The following CLN8 variants were observed in gnomAD, a reference collection of about 807,000 sequenced individuals.
CLN8 encodes the protein CLN8 transmembrane ER and ERGIC protein, also known as protein CLN8.
Under a neutral mutation model 15.7 loss-of-function variants are expected in CLN8, and 14 were observed. The ratio of observed to expected loss-of-function variants is 0.89; its 90% CI spans 0.59 to 1.39. The LOEUF (loss-of-function observed/expected upper bound fraction) is 1.39. Ranked by LOEUF, CLN8 falls within the 40% of genes most tolerant of loss-of-function variation. The probability of loss-of-function intolerance (pLI) is 0.00; values close to 1 mark genes in which losing one functional copy is unlikely to be tolerated. For synonymous variants in CLN8, 188 were observed against 151.0 expected (o/e 1.25, Z -1.80); for missense variants, 415 against 364.0 (o/e 1.14, Z -1.14).
intron 2 of CLN8, among the ~76,000 whole-genome samples, chr8:1,775,497 A>T (rs188624156): frequency 2.8e-4 from 43 of 152,364 alleles, no homozygotes; most frequent in African/African-American, 9.6e-4. Context: ...CAAAAATTTT[A>T]GTGCCTTAGT....
At chr8:1,757,076 C>G (rs561654379) in intron 1 of CLN8, among the ~76,000 whole-genome samples, 3 of 152,282 alleles carry the variant, frequency 2.0e-5, no homozygotes, top group South Asian at 2.1e-4. Context: ...GAGAGCAGGC[C>G]TATTTGGGGC....
Position 1,783,437 on chromosome 8 carries a change from G to A in CLN8, c.*2870G>A, listed in dbSNP as rs1320667083. On this transcript the variant is annotated 3_prime_UTR_variant, in exon 3 of 3. Coordinates refer to ENST00000331222, the MANE Select transcript of CLN8 (RefSeq NM_018941.4). ...TAGAAAATGGCCCTGCGTTTAGCCA[G>A]GATGTGGCTCTCCAGCTTGGCTTCA... 6.6e-6 allele frequency: 1 copy of A among 152,276 alleles called. No homozygotes were observed. The highest frequency in any genetic ancestry group is 2.4e-5 in the African/African-American group (1 of 41,478). 9.4% of individuals were successfully genotyped at this position (152,276 alleles called of 1,614,324 possible).
intron 1 of CLN8, chr8:1,758,471 G>A (rs1475697067): frequency 6.6e-6 from 1 of 152,188 alleles, no homozygotes; most frequent in South Asian, 2.1e-4. Context: ...ATTTTAGGGG[G>A]ACAGAAGTTA....
At chr8:1,768,311 C>G (rs1801149454) in intron 1 of CLN8, among the ~76,000 whole-genome samples, 2 of 152,186 alleles carry the variant, frequency 1.3e-5, no homozygotes, top group South Asian at 4.1e-4. Flanking sequence ...AGCCGCTCTT[C>G]TTGGTTTTTG....
Position 1,785,099 on chromosome 8 carries a change from A to T in CLN8, c.*4532A>T, listed in dbSNP as rs146897459. On this transcript the variant is annotated 3_prime_UTR_variant, in exon 3 of 3. Coordinates refer to ENST00000331222, the MANE Select transcript of CLN8 (RefSeq NM_018941.4). The stretch of plus-strand genomic sequence containing the variant: ...TTGACCAGGTCAGAACTCTTGTTCT[A>T]TGCGAATGTGCTCACGCAGACAGAA... 88 of 156,582 alleles carry T rather than the reference A, an allele frequency of 5.6e-4. No individual in the cohort carries two copies. The Middle Eastern group carries it at 9.6e-3, about 17-fold the overall frequency. The allele number at this position is 156,582 out of a possible 1,614,324, so 9.7% of individuals were successfully genotyped here. A position where few individuals can be genotyped will look rare whatever the true frequency, so the allele number is the denominator to read the frequency against.
At chr8:1,774,067 G>A (rs887472825) in intron 2 of CLN8, among the ~76,000 whole-genome samples, 1 of 152,142 alleles carries the variant, frequency 6.6e-6, no homozygotes, top group Admixed American at 6.5e-5. Flanking sequence ...AGTCCTCAGG[G>A]GAAAGCAGTG....
intron 1 of CLN8, among the ~76,000 whole-genome samples, chr8:1,769,597 T>C (rs1801218415): frequency 6.6e-6 from 1 of 152,172 alleles, no homozygotes; most frequent in South Asian, 2.1e-4. Context: ...GACCTGAGTC[T>C]TTGTCGGTAG....
At chr8:1,754,065 C>T (rs1800612694), upstream of CLN8, among the ~76,000 whole-genome samples, 1 of 152,150 alleles carries the variant, frequency 6.6e-6, no homozygotes. Flanking sequence ...CTCAGTCTTC[C>T]TGTGCCCAGC....
chr8:1,768,129 A>C (rs891843014), intron 1 of CLN8, among the ~76,000 whole-genome samples: 9 of 151,626 alleles, frequency 5.9e-5, no homozygotes, highest in African/African-American at 2.2e-4. Flanking sequence ...TTTTTAGTAG[A>C]GGCAGGGTTT....
chr8:1,760,902 G>GT (rs1189117566), upstream of CLN8, among the ~76,000 whole-genome samples: 1 of 151,942 alleles, frequency 6.6e-6, no homozygotes, highest in Admixed American at 6.6e-5. Flanking sequence ...CAAGCTACGT[G>GT]TAAGTGCAGG....
chr8:1,780,170 A>G (rs767711056), intron 2 of CLN8, 80 bp from the exon 3 acceptor site: 4 of 1,612,144 alleles, frequency 2.5e-6, no homozygotes, highest in Non-Finnish European at 2.5e-6. Context: ...TAAGTAAGGT[A>G]GCAAATACCT....
At chr8:1,756,271 C>T (rs758679575) in intron 1 of CLN8, among the ~76,000 whole-genome samples, 1 of 152,228 alleles carries the variant, frequency 6.6e-6, no homozygotes, top group East Asian at 1.9e-4. Flanking sequence ...ATCATGAGGT[C>T]AGGAGTTCAA....
rs755255323 is a variant in CLN8, at chr8:1,780,240, C to G, written c.544-10C>G. 6.2e-7 allele frequency: 1 copy of G among 1,614,290 alleles called. No individual in the cohort carries two copies. Among genetic ancestry groups the G allele is most frequent in the South Asian group, 1.1e-5 (1 of 91,092 alleles). ...GCATTGACTTGTGCATTTGTCTTCT[C>G]TCCATGCAGGCGGGCTGGTCCGAGT... On this transcript the variant is annotated splice_polypyrimidine_tract_variant and intron_variant, in intron 2 of 2. Transcript: ENST00000331222.
At chr8:1,757,343 C>T (rs1289158334) in intron 1 of CLN8, among the ~76,000 whole-genome samples, 5 of 152,200 alleles carry the variant, frequency 3.3e-5, no homozygotes, top group Non-Finnish European at 2.9e-5. Flanking sequence ...CAAATGTCCC[C>T]ACGGGAGGGG....
chr8:1,770,144 C>T (rs1429191314), intron 1 of CLN8, among the ~76,000 whole-genome samples: 3 of 152,268 alleles, frequency 2.0e-5, no homozygotes, highest in South Asian at 4.1e-4. Flanking sequence ...AGGTACTTAA[C>T]CCAGTCCATG....
chr8:1,753,118 A>G (rs1193826108), upstream of CLN8, among the ~76,000 whole-genome samples: 1 of 152,170 alleles, frequency 6.6e-6, no homozygotes, highest in Non-Finnish European at 1.5e-5. Context: ...AGCAAGGTAC[A>G]TTCTCCCCTT....
chr8:1,767,181 G>A (rs1801097856), intron 1 of CLN8, among the ~76,000 whole-genome samples: 1 of 152,218 alleles, frequency 6.6e-6, no homozygotes, highest in African/African-American at 2.4e-5. Flanking sequence ...GAGACCCACA[G>A]TAACGAGTTA....
intron 2 of CLN8, among the ~76,000 whole-genome samples, chr8:1,771,799 G>T (rs1402114512): frequency 6.6e-6 from 1 of 152,056 alleles, no homozygotes; most frequent in Non-Finnish European, 1.5e-5. Flanking sequence ...CTCTCGTCCA[G>T]GCTGGAGGCA....
At chr8:1,768,986 A>G (rs1374579525) in intron 1 of CLN8, among the ~76,000 whole-genome samples, 3 of 152,234 alleles carry the variant, frequency 2.0e-5, no homozygotes, top group African/African-American at 7.2e-5. Context: ...AGCATCTATC[A>G]GAGAGCACGC....
Sources: gnomAD v4.1 joint callset for allele counts (sites outside exome capture counted in the v4.1 genomes callset) on GRCh38, gnomAD v4.1.1 for gene constraint, MANE v1.5 for transcripts, NCBI Gene and HGNC (gene_info 2026-07-23, HGNC 2026-07-21) for gene names.